PPARGC1A: variants seen among roughly 807,000 people sequenced by gnomAD.
PPARGC1A encodes the protein PPARG coactivator 1 alpha.
In PPARGC1A, 25 loss-of-function variants were observed where a neutral mutation model predicts 88.7. The ratio of observed to expected loss-of-function variants is 0.28; its 90% CI spans 0.21 to 0.39. The LOEUF is 0.39. Among genes scored for constraint, PPARGC1A ranks in the 10% least tolerant of loss-of-function variants. PPARGC1A has a pLI of 1.00. For missense variants in PPARGC1A, 880 were observed against 968.7 expected (o/e 0.91, Z 1.22); for synonymous variants, 363 against 355.6 (o/e 1.02, Z -0.24).
the PPARGC1A span, among the ~76,000 whole-genome samples, chr4:24,319,183 A>C: frequency 6.6e-6 from 1 of 152,106 alleles, no homozygotes; most frequent in African/African-American, 2.4e-5. Flanking sequence ...TTGTCTCTAC[A>C]AACAGTTAAA....
chr4:24,232,981 T>C, the PPARGC1A span, among the ~76,000 whole-genome samples: 166 of 151,980 alleles, frequency 1.1e-3, 2 homozygotes, highest in African/African-American at 3.9e-3. Context: ...TGGAGGGAAA[T>C]CTAGGGCAAG....
the PPARGC1A span, among the ~76,000 whole-genome samples, chr4:24,413,925 G>A: frequency 6.6e-6 from 1 of 152,112 alleles, no homozygotes; most frequent in Non-Finnish European, 1.5e-5. Context: ...ACAACCCCTT[G>A]AGTCAAGAAA....
chr4:24,333,258 A>G, the PPARGC1A span, among the ~76,000 whole-genome samples: 1 of 152,130 alleles, frequency 6.6e-6, no homozygotes, highest in Non-Finnish European at 1.5e-5. Context: ...GAAAAAAAAA[A>G]GTGTAATAGG....
chr4:24,375,986 AT>A, the PPARGC1A span, among the ~76,000 whole-genome samples: 1 of 150,614 alleles, frequency 6.6e-6, no homozygotes, highest in Non-Finnish European at 1.5e-5. Flanking sequence ...GTCAGAAATC[AT>A]TTGCGTGGAT....
At chr4:23,935,491 T>C in the PPARGC1A span, among the ~76,000 whole-genome samples, 1 of 152,206 alleles carries the variant, frequency 6.6e-6, no homozygotes, top group Admixed American at 6.5e-5. Context: ...TTAGTAGATA[T>C]CAATTTTTGT....
chr4:24,058,192 T>C, the PPARGC1A span, among the ~76,000 whole-genome samples: 2 of 152,170 alleles, frequency 1.3e-5, no homozygotes, highest in East Asian at 3.9e-4. Flanking sequence ...CAGCTGACTC[T>C]TGACTGCTTT....
chr4:24,367,900 T>C, the PPARGC1A span, among the ~76,000 whole-genome samples: 10 of 152,194 alleles, frequency 6.6e-5, no homozygotes, highest in Non-Finnish European at 1.5e-4. Flanking sequence ...TGCAATCATA[T>C]GCCAGGCCCT....
In PPARGC1A at chr4:23,829,599, C is replaced by G. The variant is rs1724639065; in HGVS notation, c.430-14G>C. 1 of 1,606,034 alleles carries G rather than the reference C, an allele frequency of 6.2e-7. No homozygotes were observed. The highest frequency in any genetic ancestry group is 1.1e-5 in the South Asian group (1 of 89,468). On this transcript the variant is annotated splice_polypyrimidine_tract_variant and intron_variant, in intron 3 of 12. Transcript: ENST00000264867. ...GAGCTTCTTAAGCTAGAAACATTAT[C>G]AGGGAAAGGGAAAAGCAAGTAAAGT...
chr4:24,114,431 G>GA, the PPARGC1A span, among the ~76,000 whole-genome samples: 1 of 152,264 alleles, frequency 6.6e-6, no homozygotes, highest in African/African-American at 2.4e-5. Flanking sequence ...CAAAGGTCTG[G>GA]AAAAAACAGG....
the PPARGC1A span, among the ~76,000 whole-genome samples, chr4:24,248,045 C>A: frequency 6.6e-6 from 1 of 152,256 alleles, no homozygotes; most frequent in Non-Finnish European, 1.5e-5. Context: ...AAGTCTTCAC[C>A]CTTGGTCTGC....
the PPARGC1A span, among the ~76,000 whole-genome samples, chr4:24,343,814 G>C: frequency 6.6e-6 from 1 of 151,896 alleles, no homozygotes; most frequent in Non-Finnish European, 1.5e-5. Flanking sequence ...CTTTAGTGGT[G>C]ATTTGTGAGA....
At chr4:24,229,543 G>A in the PPARGC1A span, among the ~76,000 whole-genome samples, 1 of 151,530 alleles carries the variant, frequency 6.6e-6, no homozygotes, top group East Asian at 2.0e-4. Context: ...TTCTTTAAAA[G>A]AGTTGTTGGC....
the PPARGC1A span, among the ~76,000 whole-genome samples, chr4:24,021,272 C>G: frequency 1.3e-5 from 2 of 152,212 alleles, no homozygotes; most frequent in African/African-American, 4.8e-5. Flanking sequence ...CCTCCTCCAG[C>G]ATTCTATCCT....
At chr4:24,319,212 G>A in the PPARGC1A span, among the ~76,000 whole-genome samples, 13 of 152,240 alleles carry the variant, frequency 8.5e-5, no homozygotes, top group African/African-American at 3.1e-4. Context: ...TGTGTGTGGT[G>A]CATGCCTGTC....
At chr4:24,286,947 A>T in the PPARGC1A span, among the ~76,000 whole-genome samples, 1 of 152,140 alleles carries the variant, frequency 6.6e-6, no homozygotes, top group South Asian at 2.1e-4. Context: ...CTTCCCCAAG[A>T]GAAAGAGATC....
the PPARGC1A span, among the ~76,000 whole-genome samples, chr4:24,382,702 T>C: frequency 3.9e-5 from 6 of 152,178 alleles, no homozygotes; most frequent in African/African-American, 1.4e-4. Context: ...AAATATTTTT[T>C]AAGAAATACT....
At chr4:24,247,224 T>C in the PPARGC1A span, among the ~76,000 whole-genome samples, 2 of 152,070 alleles carry the variant, frequency 1.3e-5, no homozygotes, top group African/African-American at 2.4e-5. Flanking sequence ...AAAAGTCTGG[T>C]CTTTGGAATG....
chr4:24,349,872 C>T, the PPARGC1A span, among the ~76,000 whole-genome samples: 1 of 152,200 alleles, frequency 6.6e-6, no homozygotes, highest in Non-Finnish European at 1.5e-5. Context: ...ATTCCTTCTC[C>T]CTGTGGAGTT....
the PPARGC1A span, among the ~76,000 whole-genome samples, chr4:24,127,598 T>C: frequency 7.7e-3 from 1,169 of 152,118 alleles, 8 homozygotes; most frequent in Middle Eastern, 0.02. Flanking sequence ...TATATAGAGA[T>C]AGAGATAGAA....
Sources: gnomAD v4.1 joint callset for allele counts (sites outside exome capture counted in the v4.1 genomes callset) on GRCh38, gnomAD v4.1.1 for gene constraint, MANE v1.5 for transcripts, NCBI Gene and HGNC (gene_info 2026-07-23, HGNC 2026-07-21) for gene names.